The following WWP2 variants were observed in gnomAD, a reference collection of about 807,000 sequenced individuals.
WWP2 encodes WW domain containing E3 ubiquitin protein ligase 2.
In WWP2, 57 loss-of-function variants were observed where a neutral mutation model predicts 121.0. The observed-to-expected ratio is 0.47, with a 90% CI of 0.38 to 0.59. The LOEUF (loss-of-function observed/expected upper bound fraction) is 0.59, where lower values mean the gene tolerates loss of function less well. WWP2 is among the 20% of genes least tolerant of loss of function. WWP2 has a pLI of 0.00. For synonymous variants in WWP2, 449 were observed against 441.3 expected (o/e 1.02, Z -0.22); for missense variants, 962 against 1,158.9 (o/e 0.83, Z 2.47).
chr16:69,822,533 G>T (rs556048948), intron 4 of WWP2, among the ~76,000 whole-genome samples: 105 of 148,562 alleles, frequency 7.1e-4, no homozygotes, highest in African/African-American at 2.5e-3. Context: ...CCTGGGTGGG[G>T]TGTGTGTGTG....
Position 69,939,874 on chromosome 16 carries a change from C to A in WWP2, c.2547C>A (p.Ser849Arg). ...FNRLDLPPYKSYEQLREKLLY... is the reference protein window; with the variant it reads ...FNRLDLPPYKRYEQLREKLLY... Reference sequence around the variant, plus strand: ...GTCTGGATCTTCCACCCTACAAGAGCTACGAACAGCTGAGAGAGAAGCTGC... The same window carrying A: ...GTCTGGATCTTCCACCCTACAAGAGATACGAACAGCTGAGAGAGAAGCTGC... The change falls in exon 24 of 24, where the codon AGC becomes AGA. Residue 849 changes from serine (S) to arginine (R), a missense_variant. Physicochemically the swap from Ser to Arg is moderately radical, Grantham distance 110 (BLOSUM62 -1). Around this residue, in one of 3 missense-constraint regions of WWP2, gnomAD observed 606 missense variants for 772.6 expected, o/e 0.78. Transcript: ENST00000359154. The A allele has an allele frequency of 6.2e-7, 1 of 1,614,010 alleles. No individual in the cohort carries two copies. The highest frequency in any genetic ancestry group is 8.5e-7 in the Non-Finnish European group (1 of 1,179,940).
chr16:69,821,702 C>T (rs1027072808), intron 4 of WWP2, among the ~76,000 whole-genome samples: 3 of 150,480 alleles, frequency 2.0e-5, no homozygotes, highest in Non-Finnish European at 4.4e-5. Context: ...GACATTTTTT[C>T]TCCCCTTTCT....
intron 6 of WWP2, among the ~76,000 whole-genome samples, chr16:69,863,813 A>G (rs1356192149): frequency 6.6e-6 from 1 of 152,156 alleles, no homozygotes; most frequent in Non-Finnish European, 1.5e-5. Context: ...AAAAATGGAA[A>G]TGTACACGTA....
intron 3 of WWP2, 46 bp downstream of exon 3, chr16:69,798,875 A>G (rs761567700): frequency 7.5e-6 from 12 of 1,605,090 alleles, no homozygotes; most frequent in African/African-American, 1.3e-5. Context: ...ATGGGGAAAG[A>G]GAGAGGGTGC....
intron 9 of WWP2, among the ~76,000 whole-genome samples, chr16:69,911,244 G>A (rs543322373): frequency 4.6e-5 from 7 of 152,132 alleles, no homozygotes; most frequent in Non-Finnish European, 1.0e-4. Flanking sequence ...CCTTCTATCC[G>A]GGAGCAATAA....
At position 69,925,581 on chromosome 16, in the gene WWP2, C is replaced by G; in HGVS notation, c.1234+97C>G. Reference sequence around the variant, plus strand: ...GTCTTCCTTCCCTGTTCCTGTCCCTCTGTTTTCCATCTCTCCCCTCTCCAG... The same window carrying G: ...GTCTTCCTTCCCTGTTCCTGTCCCTGTGTTTTCCATCTCTCCCCTCTCCAG... On this transcript the variant is annotated intron_variant, in intron 11 of 23. Coordinates refer to ENST00000359154, the MANE Select transcript of WWP2 (RefSeq NM_001270454.2). This position sits in a 1 kb window ranked among gnomAD's most constrained non-coding sequence, Gnocchi z 4.0. 1 of 1,469,586 alleles carries G rather than the reference C, an allele frequency of 6.8e-7. No individual in the cohort carries two copies. The highest frequency in any genetic ancestry group is 9.2e-7 in the Non-Finnish European group (1 of 1,081,588). 91.0% of individuals were successfully genotyped at this position (1,469,586 alleles called of 1,614,324 possible).
At chr16:69,874,355 T>C (rs1597091955) in intron 7 of WWP2, among the ~76,000 whole-genome samples, 1 of 152,198 alleles carries the variant, frequency 6.6e-6, no homozygotes, top group South Asian at 2.1e-4. Flanking sequence ...GGGCTGCTGC[T>C]GTGAGAATTC....
At chr16:69,880,713 G>C (rs2057812325) in intron 7 of WWP2, among the ~76,000 whole-genome samples, 1 of 152,226 alleles carries the variant, frequency 6.6e-6, no homozygotes, top group South Asian at 2.1e-4. Context: ...AGAGCCGACT[G>C]ATCAGCTGCC....
rs377275994 is a variant in WWP2 at position 69,787,001 on chromosome 16, C to T, written c.-10C>T. On this transcript the variant is annotated 5_prime_UTR_variant, in exon 2 of 24. It adds an upstream start codon to the 5' untranslated region. Transcript: ENST00000359154. The stretch of plus-strand genomic sequence containing the variant: ...TTTTTCTGTTTGTCTTACAGCTTCA[C>T]GGTGATGATATGGCATCTGCCAGCT... 5.1e-5 allele frequency: 82 copies of T among 1,609,322 alleles called. No homozygotes were observed. Among genetic ancestry groups the T allele is most frequent in the Non-Finnish European group, 6.0e-5 (71 of 1,178,296 alleles).
At position 69,762,444 on chromosome 16, in the gene WWP2, G is replaced by A. The variant is rs528360767; in HGVS notation, c.-16+53G>A. ...GTGGGCTGGCTGCCTGCACGGGGCGGGCCGGGGGCGGCGGGCGGCGCGGGG... is the reference window on the plus strand; with the variant it reads ...GTGGGCTGGCTGCCTGCACGGGGCGAGCCGGGGGCGGCGGGCGGCGCGGGG... On this transcript the variant is annotated intron_variant, in intron 1 of 23. Coordinates refer to ENST00000359154, the MANE Select transcript of WWP2 (RefSeq NM_001270454.2). The A allele has an allele frequency of 3.8e-3, 553 of 147,384 alleles. 4 individuals carry two copies. Among genetic ancestry groups the A allele is most frequent in the African/African-American group, 0.013 (525 of 40,928 alleles). 9.1% of individuals were successfully genotyped at this position (147,384 alleles called of 1,614,324 possible).
Position 69,917,884 on chromosome 16 carries a change from G to GT in WWP2, c.1179+2dup. On this transcript the variant is annotated splice_donor_variant, in intron 10 of 23. Coordinates refer to ENST00000359154, the MANE Select transcript of WWP2 (RefSeq NM_001270454.2). LOFTEE classifies it high-confidence loss of function. ...CTTCAGCCAAAGATTCCTCTACCAG[G>GT]TGAGAGGGCAGGCGCTTGGCCCGAG... 1 of 1,610,450 alleles carries GT rather than the reference G, an allele frequency of 6.2e-7. No homozygotes were observed. Among genetic ancestry groups the GT allele is most frequent in the Non-Finnish European group, 8.5e-7 (1 of 1,176,890 alleles).
At chr16:69,770,890 T>G (rs1279159886) in intron 1 of WWP2, among the ~76,000 whole-genome samples, 2 of 151,728 alleles carry the variant, frequency 1.3e-5, no homozygotes, top group South Asian at 2.1e-4. Context: ...CCCAGCACTT[T>G]GGGAGGCAGA....
chr16:69,915,133 G>A (rs574508302), intron 9 of WWP2, among the ~76,000 whole-genome samples: 3 of 152,302 alleles, frequency 2.0e-5, no homozygotes, highest in Admixed American at 6.5e-5. Context: ...CACCTGTCCC[G>A]TCTGAGAATC....
intron 7 of WWP2, among the ~76,000 whole-genome samples, chr16:69,881,556 C>A (rs1195278857): frequency 2.0e-5 from 3 of 152,226 alleles, no homozygotes; most frequent in African/African-American, 7.2e-5. Context: ...TTAGCATTGG[C>A]AAATGTGCCA....
rs141702722 is a variant in WWP2, at chr16:69,801,006, C to T, written c.340+1711C>T. Among the ~76,000 whole-genome samples, 437 of 148,126 alleles carry T rather than the reference C, an allele frequency of 3.0e-3. 17 individuals carry two copies. The East Asian group carries it at 0.064, about 22-fold the overall frequency. On this transcript the variant is annotated intron_variant, in intron 4 of 23. Coordinates refer to ENST00000359154, the MANE Select transcript of WWP2 (RefSeq NM_001270454.2). ...TTCGTGACCAGCCTGGCCAATATGG[C>T]GAAACCCTGTTTCTACTAAGAAAAA...
intron 6 of WWP2, among the ~76,000 whole-genome samples, chr16:69,857,063 C>T (rs1419550023): frequency 6.6e-6 from 1 of 152,058 alleles, no homozygotes; most frequent in Non-Finnish European, 1.5e-5. Flanking sequence ...TAATTTCTGT[C>T]TGTCCTACAG....
intron 4 of WWP2, among the ~76,000 whole-genome samples, chr16:69,827,133 T>G (rs964384123): frequency 4.0e-5 from 6 of 148,834 alleles, no homozygotes; most frequent in Non-Finnish European, 9.0e-5. Context: ...ATGTCTAATG[T>G]TTAACTGAAA....
At chr16:69,933,226 G>A (rs779219923) in intron 16 of WWP2, 1 of 447,758 alleles carries the variant, frequency 2.2e-6, no homozygotes, top group South Asian at 1.6e-5. Context: ...AAACAGCCCA[G>A]CAGCTGGGGA....
rs116247934 is a variant in WWP2 at position 69,917,520 on chromosome 16, T to C, written c.1005-189T>C. The C allele has an allele frequency of 6.4e-3, 3,467 of 537,914 alleles. 109 individuals carry two copies. Among genetic ancestry groups the C allele is most frequent in the African/African-American group, 0.058 (3,067 of 52,832 alleles). 33.3% of individuals were successfully genotyped at this position (537,914 alleles called of 1,614,324 possible). A position where few individuals can be genotyped will look rare whatever the true frequency, so the allele number is the denominator to read the frequency against. ...ACCACATGGATCCCCAAATTAGAAA[T>C]TGAGAGCTAATGGCAAGGAGGGATT... On this transcript the variant is annotated intron_variant, in intron 9 of 23. Transcript: ENST00000359154.
Sources: allele counts gnomAD v4.1 joint callset (sites outside exome capture counted in the v4.1 genomes callset), GRCh38; gene constraint gnomAD v4.1.1; regional missense constraint gnomAD v4.1.1; non-coding constraint Gnocchi (gnomAD v3.1); transcripts MANE v1.5; gene names NCBI Gene and HGNC (gene_info 2026-07-23, HGNC 2026-07-21).